Variants in BTBD9 observed in about 807,000 individuals in gnomAD.
The protein encoded by BTBD9 is BTB/POZ domain-containing protein 9.
In BTBD9, 49 loss-of-function variants were observed where a neutral mutation model predicts 64.3. That is an observed-to-expected ratio of 0.76 (90% confidence interval 0.61 to 0.97). The LOEUF (loss-of-function observed/expected upper bound fraction) is 0.97. Among genes scored for constraint, BTBD9 ranks in the 50% least tolerant of loss-of-function variants. The pLI, the probability that BTBD9 is intolerant of heterozygous loss-of-function variation, is 0.00. For missense variants in BTBD9, 598 were observed against 762.1 expected, an observed-to-expected ratio of 0.78 and a Z score of 2.53; for synonymous variants, 260 against 274.7, an observed-to-expected ratio of 0.95 and a Z score of 0.53.
rs758414146 is a variant in BTBD9 at position 38,192,546 on chromosome 6, G to C, written c.1614C>G (p.Ile538Met). Residue 538 changes from isoleucine (I) to methionine (M), a missense_variant, in exon 10 of 11, where the codon ATC becomes ATG. Coordinates refer to ENST00000481247, the MANE Select transcript of BTBD9 (RefSeq NM_001099272.2). The stretch of plus-strand genomic sequence containing the variant: ...CATTTGCTGTGTTGTGTGTCCCAAC[G>C]ATACGGATGAAGGAGGCAGGCTGCC... ...FERQPASFIR[I>M]VGTHNTANEV... 6.2e-7 allele frequency: 1 copy of C among 1,613,796 alleles called. No homozygotes were observed. Among genetic ancestry groups the C allele is most frequent in the African/African-American group, 1.3e-5 (1 of 74,894 alleles).
intron 6 of BTBD9, among the ~76,000 whole-genome samples, chr6:38,535,475 TG>T (rs1481178444): frequency 6.6e-6 from 1 of 152,044 alleles, no homozygotes; most frequent in Non-Finnish European, 1.5e-5. Flanking sequence ...AAAATACCAA[TG>T]ACATTTTTGA....
intron 1 of BTBD9, among the ~76,000 whole-genome samples, chr6:38,637,021 G>A (rs1051415012): frequency 2.0e-5 from 3 of 152,092 alleles, no homozygotes; most frequent in African/African-American, 4.8e-5. Flanking sequence ...GCTGGCCCCT[G>A]GAATGCTCTC....
intron 7 of BTBD9, among the ~76,000 whole-genome samples, chr6:38,292,554 A>G (rs1460800191): frequency 6.6e-6 from 1 of 152,030 alleles, no homozygotes; most frequent in Non-Finnish European, 1.5e-5. Context: ...GGGAGGGTGT[A>G]TGTGTCCAGG....
intron 10 of BTBD9, among the ~76,000 whole-genome samples, chr6:38,191,020 A>G (rs1469661007): frequency 6.6e-6 from 1 of 152,242 alleles, no homozygotes; most frequent in Non-Finnish European, 1.5e-5. Context: ...AAAAACAGTT[A>G]ATTCGATTTC....
intron 7 of BTBD9, among the ~76,000 whole-genome samples, chr6:38,300,547 T>C (rs1762348702): frequency 6.6e-6 from 1 of 151,310 alleles, no homozygotes; most frequent in Admixed American, 6.6e-5. Flanking sequence ...AGCAGTGGTT[T>C]GTAGTTCTCC....
chr6:38,472,245 T>C (rs913145649), intron 6 of BTBD9, among the ~76,000 whole-genome samples: 2 of 152,170 alleles, frequency 1.3e-5, no homozygotes, highest in African/African-American at 4.8e-5. Flanking sequence ...TGCAAATATA[T>C]AACATATTTT....
intron 6 of BTBD9, among the ~76,000 whole-genome samples, chr6:38,417,800 G>GAGAGAGAGAGAGAAA (rs1554149297): frequency 1.4e-5 from 2 of 142,932 alleles, no homozygotes; most frequent in African/African-American, 5.5e-5. Context: ...GAGAGAGAGA[G>GAGAGAGAGAGAGAAA]AAAAAAAATA....
intron 6 of BTBD9, among the ~76,000 whole-genome samples, chr6:38,407,784 C>T (rs1767234106): frequency 1.3e-5 from 2 of 151,996 alleles, no homozygotes; most frequent in Admixed American, 6.5e-5. Context: ...AATTGTAAAT[C>T]CTGAAGTAGC....
chr6:38,433,868 T>C (rs1263481399), intron 6 of BTBD9, among the ~76,000 whole-genome samples: 1 of 151,990 alleles, frequency 6.6e-6, no homozygotes, highest in Non-Finnish European at 1.5e-5. Flanking sequence ...GTCTGTTAAG[T>C]TCACTGCTGT....
At chr6:38,319,382 C>T (rs763213097) in intron 7 of BTBD9, among the ~76,000 whole-genome samples, 1 of 152,064 alleles carries the variant, frequency 6.6e-6, no homozygotes, top group Non-Finnish European at 1.5e-5. Context: ...ACCACAGCTG[C>T]GAATATGCTG....
chr6:38,577,512 T>C, intron 6 of BTBD9, 88 bp downstream of exon 6: 1 of 1,355,234 alleles, frequency 7.4e-7, no homozygotes, highest in Non-Finnish European at 1.0e-6. Context: ...TAACTCTTTT[T>C]TCAAGATGAA....
intron 9 of BTBD9, among the ~76,000 whole-genome samples, chr6:38,219,120 C>G: frequency 7.3e-6 from 1 of 137,752 alleles, no homozygotes; most frequent in South Asian, 2.3e-4. Context: ...ATTACTATCA[C>G]TTTCTTTTCT....
At chr6:38,551,218 T>C (rs1384618099) in intron 6 of BTBD9, among the ~76,000 whole-genome samples, 1 of 152,202 alleles carries the variant, frequency 6.6e-6, no homozygotes, top group Non-Finnish European at 1.5e-5. Flanking sequence ...GAATCTTCAA[T>C]ACCTACAATA....
At chr6:38,343,516 C>T (rs561747902) in intron 7 of BTBD9, among the ~76,000 whole-genome samples, 2 of 152,208 alleles carry the variant, frequency 1.3e-5, no homozygotes, top group African/African-American at 2.4e-5. Flanking sequence ...CCTAACTACA[C>T]AGTCAGATAT....
At chr6:38,411,963 A>G (rs1467673347) in intron 6 of BTBD9, among the ~76,000 whole-genome samples, 1 of 152,082 alleles carries the variant, frequency 6.6e-6, no homozygotes, top group Non-Finnish European at 1.5e-5. Context: ...ATACACACAC[A>G]TATACACACA....
chr6:38,299,709 T>C (rs1762311309), intron 7 of BTBD9, among the ~76,000 whole-genome samples: 1 of 152,200 alleles, frequency 6.6e-6, no homozygotes, highest in South Asian at 2.1e-4. Context: ...GGGTTGTTTG[T>C]TTTTTTCTTG....
intron 1 of BTBD9, among the ~76,000 whole-genome samples, chr6:38,614,091 T>C (rs769913600): frequency 9.9e-5 from 15 of 152,192 alleles, no homozygotes; most frequent in Non-Finnish European, 5.9e-5. Context: ...TTCTGAGTTG[T>C]CAAGTCTCTC....
At chr6:38,577,532 T>TGGA in intron 6 of BTBD9, 68 bp downstream of exon 6, 4 of 1,476,064 alleles carry the variant, frequency 2.7e-6, no homozygotes, top group Non-Finnish European at 3.7e-6. Context: ...AAAATGCAGT[T>TGGA]CTGCTTCTCC....
intron 9 of BTBD9, among the ~76,000 whole-genome samples, chr6:38,228,369 A>AC (rs1554130234): frequency 6.8e-6 from 1 of 147,174 alleles, no homozygotes; most frequent in Non-Finnish European, 1.5e-5. Context: ...AAAAAAAAAA[A>AC]AGAGAGAGAG....
Sources: allele counts gnomAD v4.1 joint callset (sites outside exome capture counted in the v4.1 genomes callset), GRCh38; gene constraint gnomAD v4.1.1; transcripts MANE v1.5; gene names NCBI Gene and HGNC (gene_info 2026-07-23, HGNC 2026-07-21).